MAN2A1: variants seen among roughly 807,000 people sequenced by gnomAD.
The protein encoded by MAN2A1 is alpha-mannosidase 2.
Under a neutral mutation model 142.6 loss-of-function variants are expected in MAN2A1, and 76 were observed. The observed-to-expected ratio is 0.53, with a 90% CI of 0.44 to 0.65. The LOEUF (loss-of-function observed/expected upper bound fraction) is 0.65. MAN2A1 is among the 30% of genes least tolerant of loss of function. MAN2A1 has a pLI of 0.00. For missense variants in MAN2A1, 1,311 were observed against 1,365.1 expected, an observed-to-expected ratio of 0.96 and a Z score of 0.62; for synonymous variants, 559 against 473.2, an observed-to-expected ratio of 1.18 and a Z score of -2.35.
intron 4 of MAN2A1, among the ~76,000 whole-genome samples, chr5:109,747,903 T>G (rs1752448220): frequency 6.6e-6 from 1 of 152,198 alleles, no homozygotes. Flanking sequence ...ATTTCTAGTT[T>G]CCTCACATCC....
intron 1 of MAN2A1, among the ~76,000 whole-genome samples, chr5:109,711,834 A>G (rs1024752065): frequency 6.6e-6 from 1 of 152,144 alleles, no homozygotes; most frequent in Non-Finnish European, 1.5e-5. Context: ...TTAGAGTTCT[A>G]TCTTGTGGTG....
At chr5:109,729,254 G>T in intron 3 of MAN2A1, 88 bp from the exon 4 acceptor site, 1 of 750,116 alleles carries the variant, frequency 1.3e-6, no homozygotes, top group Non-Finnish European at 2.1e-6. Flanking sequence ...AAATTCTAAC[G>T]ATGTCCAAAG....
intron 21 of MAN2A1, chr5:109,865,493 T>C: frequency 8.2e-6 from 2 of 244,806 alleles, no homozygotes; most frequent in South Asian, 1.1e-4. Flanking sequence ...TAGTTCAGCA[T>C]TGGTAAACCT....
intron 20 of MAN2A1, chr5:109,862,199 A>G (rs900636733): frequency 9.9e-5 from 15 of 152,142 alleles, no homozygotes; most frequent in Admixed American, 7.2e-4. Flanking sequence ...AGTCACATAA[A>G]TGGTTCATGG....
intron 5 of MAN2A1, among the ~76,000 whole-genome samples, chr5:109,765,475 C>G (rs1171555312): frequency 1.3e-5 from 2 of 152,122 alleles, no homozygotes; most frequent in Admixed American, 6.6e-5. Flanking sequence ...TGTGATGTCT[C>G]TGTCCTAGTA....
chr5:109,829,185 CTTATA>C (rs1433882161), intron 16 of MAN2A1, among the ~76,000 whole-genome samples: 3 of 152,152 alleles, frequency 2.0e-5, no homozygotes, highest in African/African-American at 4.8e-5. Context: ...TTTCAGTCTA[CTTATA>C]TTATTAAGTA....
chr5:109,697,453 C>T (rs138097103), intron 1 of MAN2A1, among the ~76,000 whole-genome samples: 10 of 152,262 alleles, frequency 6.6e-5, no homozygotes, highest in Non-Finnish European at 1.5e-4. Flanking sequence ...AATAATCTTC[C>T]TTCTTTTGTC....
At chr5:109,693,676 G>T (rs1350050586) in intron 1 of MAN2A1, among the ~76,000 whole-genome samples, 1 of 152,028 alleles carries the variant, frequency 6.6e-6, no homozygotes, top group Non-Finnish European at 1.5e-5. Flanking sequence ...GAGTGGGCTG[G>T]CCGAGGGTGC....
intron 1 of MAN2A1, among the ~76,000 whole-genome samples, chr5:109,696,345 C>T (rs1011007197): frequency 6.6e-5 from 10 of 152,118 alleles, no homozygotes; most frequent in Non-Finnish European, 7.4e-5. Flanking sequence ...GTGATCTGCC[C>T]GCCTTGACCT....
intron 20 of MAN2A1, among the ~76,000 whole-genome samples, chr5:109,856,334 C>G (rs4406176): frequency 0.66 from 100,004 of 152,022 alleles, 33,330 homozygotes; most frequent in East Asian, 0.89. Context: ...GTGGTTTTGG[C>G]ACCTTGCCTA....
intron 4 of MAN2A1, among the ~76,000 whole-genome samples, chr5:109,752,682 A>G (rs370834395): frequency 2.6e-5 from 4 of 152,344 alleles, no homozygotes; most frequent in South Asian, 4.1e-4. Flanking sequence ...GAGACCAGCC[A>G]GACTGGGAAA....
chr5:109,797,110 C>G (rs1042248779), intron 12 of MAN2A1, among the ~76,000 whole-genome samples: 6 of 152,140 alleles, frequency 3.9e-5, no homozygotes, highest in African/African-American at 1.4e-4. Context: ...TAAATGTCTA[C>G]TTCTTTGAGG....
chr5:109,840,283 G>T, intron 16 of MAN2A1: 1 of 302,846 alleles, frequency 3.3e-6, no homozygotes. Flanking sequence ...TTCGTCTAAA[G>T]TGTTGAATTT....
intron 6 of MAN2A1, among the ~76,000 whole-genome samples, chr5:109,769,703 G>A (rs1337840650): frequency 2.0e-5 from 3 of 151,986 alleles, no homozygotes; most frequent in East Asian, 3.9e-4. Flanking sequence ...TTTTTGTTTC[G>A]CTTTTTGAAA....
intron 1 of MAN2A1, 34 bp downstream of exon 1, chr5:109,690,586 G>C (rs1302181636): frequency 6.4e-7 from 1 of 1,557,830 alleles, no homozygotes; most frequent in South Asian, 1.2e-5. Context: ...GGGGCTCCGA[G>C]GGGCCAGGCG....
chr5:109,798,894 G>C (rs556443599), intron 12 of MAN2A1, among the ~76,000 whole-genome samples: 1 of 151,990 alleles, frequency 6.6e-6, no homozygotes, highest in South Asian at 2.1e-4. Flanking sequence ...GGGTTTCACC[G>C]TGTTAGTCAG....
At position 109,817,353 on chromosome 5, in the gene MAN2A1, T is replaced by G. The variant is rs1313326721; in HGVS notation, c.2024T>G (p.Val675Gly). 6.2e-7 allele frequency: 1 copy of G among 1,614,036 alleles called. No individual in the cohort carries two copies. Among genetic ancestry groups the G allele is most frequent in the Non-Finnish European group, 8.5e-7 (1 of 1,180,018 alleles). The change falls in exon 13 of 22, where the codon GTG becomes GGG. Residue 675 changes from valine to glycine, a missense_variant. Coordinates refer to ENST00000261483, the MANE Select transcript of MAN2A1 (RefSeq NM_002372.4). ...TATGTGAGTTCCCCGACAGTGCAAG[T>G]GTTCTCTGCTTCAGGAAAACCTGTG... ...SVYVSSPTVQVFSASGKPVEV... is the reference protein window; with the variant it reads ...SVYVSSPTVQGFSASGKPVEV...
chr5:109,855,685 C>A (rs1289976842), intron 20 of MAN2A1, among the ~76,000 whole-genome samples: 1 of 152,100 alleles, frequency 6.6e-6, no homozygotes, highest in Non-Finnish European at 1.5e-5. Flanking sequence ...TTAGTTATTT[C>A]TATATCAGAG....
At chr5:109,799,789 C>CA (rs1336032413) in intron 12 of MAN2A1, among the ~76,000 whole-genome samples, 1 of 147,280 alleles carries the variant, frequency 6.8e-6, no homozygotes. Context: ...CAAATCACAA[C>CA]AAAAAATCTC....
Sources: gnomAD v4.1 joint callset for allele counts (sites outside exome capture counted in the v4.1 genomes callset) on GRCh38, gnomAD v4.1.1 for gene constraint, MANE v1.5 for transcripts, NCBI Gene and HGNC (gene_info 2026-07-23, HGNC 2026-07-21) for gene names.